Variants in ZFHX3 observed in about 807,000 individuals in gnomAD.
ZFHX3 encodes the protein zinc finger homeobox 3, also known as zinc finger homeobox protein 3.
In ZFHX3, 42 loss-of-function variants were observed where a neutral mutation model predicts 279.1. The observed-to-expected ratio is 0.15, with a 90% confidence interval of 0.12 to 0.19. The LOEUF (loss-of-function observed/expected upper bound fraction) is 0.19, where lower values mean the gene tolerates loss of function less well. Ranked by LOEUF, ZFHX3 falls within the 10% of genes least tolerant of loss-of-function variation. The pLI is 1.00. For synonymous variants in ZFHX3, 2,293 were observed against 1,957.8 expected, an observed-to-expected ratio of 1.17 and a Z score of -4.52; for missense variants, 4,981 against 4,754.0, an observed-to-expected ratio of 1.05 and a Z score of -1.40.
intron 4 of ZFHX3, among the ~76,000 whole-genome samples, chr16:73,275,305 C>T (rs6564251): frequency 0.1 from 15,920 of 152,132 alleles, 1,342 homozygotes; most frequent in African/African-American, 0.23. Context: ...TGTGAATTTA[C>T]CATGCCCTCC....
intron 3 of ZFHX3, among the ~76,000 whole-genome samples, chr16:72,938,779 A>C (rs1436682197): frequency 6.6e-6 from 1 of 152,220 alleles, no homozygotes; most frequent in Non-Finnish European, 1.5e-5. Flanking sequence ...CAGAGGTCAG[A>C]GCTCTTGTCC....
intron 4 of ZFHX3, among the ~76,000 whole-genome samples, chr16:73,295,355 A>G (rs1250319046): frequency 3.3e-5 from 5 of 152,228 alleles, no homozygotes; most frequent in Non-Finnish European, 5.9e-5. Context: ...CTCACTGTTT[A>G]GTGTTAGAAA....
chr16:73,839,875 G>A (rs1386719971), intron 1 of ZFHX3, among the ~76,000 whole-genome samples: 1 of 152,200 alleles, frequency 6.6e-6, no homozygotes, highest in Non-Finnish European at 1.5e-5. Context: ...AACCTCTGAA[G>A]GAGATGCTTG....
intron 4 of ZFHX3, among the ~76,000 whole-genome samples, chr16:73,317,742 G>A (rs1237347787): frequency 5.3e-5 from 8 of 152,062 alleles, no homozygotes; most frequent in Middle Eastern, 3.2e-3. Context: ...CTCATCAAAC[G>A]GCGGCCAGTA....
chr16:73,184,127 T>C (rs1249256175), intron 5 of ZFHX3, among the ~76,000 whole-genome samples: 1 of 152,006 alleles, frequency 6.6e-6, no homozygotes, highest in African/African-American at 2.4e-5. Flanking sequence ...CTCTTTCGGG[T>C]TGTGACCAGA....
chr16:72,911,462 C>T (rs1202998239), intron 3 of ZFHX3, among the ~76,000 whole-genome samples: 2 of 152,148 alleles, frequency 1.3e-5, no homozygotes, highest in Admixed American at 6.5e-5. Context: ...CTTCGGAAAA[C>T]TTACCTTCCT....
In ZFHX3 at chr16:73,157,724, C is replaced by T. The variant is rs187345488; in HGVS notation, c.-1103-13893G>A. Reference sequence around the variant, plus strand: ...GGAAAAAACTGTGTAATGTTGTTGGCCAAATGACCCCAGTCATTAAGATTC... The same window carrying T: ...GGAAAAAACTGTGTAATGTTGTTGGTCAAATGACCCCAGTCATTAAGATTC... On this transcript the variant is annotated intron_variant, in intron 5 of 17. Coordinates refer to the ZFHX3 transcript ENST00000641206. 1.2e-3 allele frequency among the ~76,000 whole-genome samples: 186 copies of T among 152,132 alleles called. 1 individual carries two copies. The highest frequency in any genetic ancestry group is 4.3e-3 in the African/African-American group (180 of 41,502).
intron 2 of ZFHX3, among the ~76,000 whole-genome samples, chr16:73,662,674 A>ACAAAAAGGGG (rs2052797857): frequency 6.6e-6 from 1 of 152,214 alleles, no homozygotes; most frequent in African/African-American, 2.4e-5. Flanking sequence ...TTGAGAATTC[A>ACAAAAAGGGG]CAAAAAGGGG....
At chr16:72,834,810 GA>G (rs769023586) in intron 4 of ZFHX3, among the ~76,000 whole-genome samples, 288 of 140,162 alleles carry the variant, frequency 2.1e-3, no homozygotes, top group South Asian at 7.2e-3. Context: ...GTTTAAAAAA[GA>G]AAAAAAAAAA....
chr16:73,783,106 C>T (rs1959527430), intron 1 of ZFHX3, among the ~76,000 whole-genome samples: 2 of 152,156 alleles, frequency 1.3e-5, no homozygotes, highest in South Asian at 4.1e-4. Context: ...GTCTAAGGCA[C>T]TTATTCTCCA....
rs2143392844 is a variant in ZFHX3 at position 72,794,037 on chromosome 16, G to A, written c.8645C>T (p.Ala2882Val). Residue 2882 changes from alanine (A) to valine (V), a missense_variant, in exon 9 of 10, where the codon GCA becomes GTA. Ala to Val is a moderately conservative substitution (Grantham distance 64). This residue lies in a region of ZFHX3 where 744 missense variants were observed against 701.3 expected (regional missense o/e 1.06). Transcript: ENST00000268489. This position sits in a 1 kb window ranked among gnomAD's most constrained non-coding sequence, Gnocchi z 4.2. Reference protein sequence around the residue: ...NEGLTKAAMMAMSEYEDRLSS... With the variant: ...NEGLTKAAMMVMSEYEDRLSS... ...CAACCGATCTTCATACTCAGACATT[G>A]CCATCATGGCCGCTTTGGTCAACCC... 6.2e-7 allele frequency: 1 copy of A among 1,614,232 alleles called. No individual in the cohort carries two copies.
intron 2 of ZFHX3, among the ~76,000 whole-genome samples, chr16:73,639,552 T>A (rs2052556171): frequency 6.6e-6 from 1 of 152,180 alleles, no homozygotes. Context: ...CTTACTGAGT[T>A]GCACTGAGAG....
intron 1 of ZFHX3, among the ~76,000 whole-genome samples, chr16:73,806,961 G>A (rs1597124344): frequency 6.6e-6 from 1 of 152,154 alleles, no homozygotes; most frequent in Non-Finnish European, 1.5e-5. Flanking sequence ...CACCAACCAC[G>A]TGATGAGGTG....
At chr16:73,426,105 G>T (rs1158893910) in intron 3 of ZFHX3, among the ~76,000 whole-genome samples, 1 of 152,158 alleles carries the variant, frequency 6.6e-6, no homozygotes, top group East Asian at 1.9e-4. Flanking sequence ...GTCCCAGCTG[G>T]TGTGCACTGG....
At chr16:72,955,688 G>C (rs917953201) in intron 2 of ZFHX3, among the ~76,000 whole-genome samples, 14 of 144,358 alleles carry the variant, frequency 9.7e-5, no homozygotes, top group African/African-American at 3.6e-4. Flanking sequence ...TCTGGCAGGA[G>C]AATCGCTTGA....
intron 3 of ZFHX3, among the ~76,000 whole-genome samples, chr16:73,367,867 C>CTTTTT (rs10718886): frequency 2.6e-5 from 3 of 115,430 alleles, no homozygotes; most frequent in African/African-American, 8.9e-5. Context: ...TAAGGAAGGT[C>CTTTTT]TTTTTTTTTT....
At chr16:73,586,487 G>A (rs2051928368) in intron 2 of ZFHX3, among the ~76,000 whole-genome samples, 1 of 150,404 alleles carries the variant, frequency 6.6e-6, no homozygotes, top group Non-Finnish European at 1.5e-5. Flanking sequence ...CACTCTGGGA[G>A]GAAAAAACAA....
chr16:72,907,545 T>TGTGTGTGTGTGTGTGTGTGTG (rs2039208549), intron 3 of ZFHX3, among the ~76,000 whole-genome samples: 6 of 120,480 alleles, frequency 5.0e-5, no homozygotes, highest in Middle Eastern at 8.8e-3. Context: ...TTTCCTCTAT[T>TGTGTGTGTGTGTGTGTGTGTG]TGTGTGTGTG....
chr16:72,819,382 C>T (rs1023293511), intron 5 of ZFHX3, among the ~76,000 whole-genome samples: 2 of 152,290 alleles, frequency 1.3e-5, no homozygotes, highest in South Asian at 2.1e-4. Context: ...CAAAACCTCA[C>T]GCTTGTCACT....
Sources: allele counts gnomAD v4.1 joint callset (sites outside exome capture counted in the v4.1 genomes callset), GRCh38; gene constraint gnomAD v4.1.1; regional missense constraint gnomAD v4.1.1; non-coding constraint Gnocchi (gnomAD v3.1); transcripts MANE v1.5; gene names NCBI Gene and HGNC (gene_info 2026-07-23, HGNC 2026-07-21).